The following EPHA6 variants were observed in gnomAD, a reference collection of about 807,000 sequenced individuals.
EPHA6 encodes the protein EPH receptor A6.
EPHA6 carries 50 observed loss-of-function variants against 112.0 expected under a neutral mutation model. The observed-to-expected ratio is 0.45, with a 90% CI of 0.36 to 0.56. The LOEUF is 0.56. EPHA6 is among the 20% of genes least tolerant of loss of function. The pLI is 0.00. For synonymous variants in EPHA6, 529 were observed against 490.7 expected, an observed-to-expected ratio of 1.08 and a Z score of -1.03; for missense variants, 1,280 against 1,417.4, an observed-to-expected ratio of 0.90 and a Z score of 1.56.
chr3:97,196,505 G>C (rs1377512656), intron 3 of EPHA6, among the ~76,000 whole-genome samples: 1 of 151,940 alleles, frequency 6.6e-6, no homozygotes, highest in African/African-American at 2.4e-5. Flanking sequence ...AGTTCATTTT[G>C]TGAGGTCATG....
chr3:97,492,469 G>A (rs1236915970), intron 10 of EPHA6, among the ~76,000 whole-genome samples: 1 of 144,916 alleles, frequency 6.9e-6, no homozygotes, highest in Admixed American at 7.3e-5. Context: ...TAGAACCAGG[G>A]AGGCGGAGAT....
intron 3 of EPHA6, among the ~76,000 whole-genome samples, chr3:97,143,689 C>T (rs1030019404): frequency 1.3e-5 from 2 of 151,656 alleles, no homozygotes; most frequent in Admixed American, 6.6e-5. Context: ...TATTGTTATT[C>T]CCCAGGGTCA....
At chr3:96,869,691 GTACA>G (rs1022412034) in intron 2 of EPHA6, among the ~76,000 whole-genome samples, 1 of 152,002 alleles carries the variant, frequency 6.6e-6, no homozygotes, top group Non-Finnish European at 1.5e-5. Context: ...TGTTTAATGT[GTACA>G]TAGTGGATGA....
chr3:97,145,688 G>GT (rs2076026702), intron 3 of EPHA6, among the ~76,000 whole-genome samples: 1 of 151,262 alleles, frequency 6.6e-6, no homozygotes, highest in African/African-American at 2.4e-5. Flanking sequence ...TACTGCATAG[G>GT]TTTTTTATTT....
intron 2 of EPHA6, among the ~76,000 whole-genome samples, chr3:96,918,952 TAGC>T (rs1254452785): frequency 6.6e-6 from 1 of 152,014 alleles, no homozygotes; most frequent in African/African-American, 2.4e-5. Flanking sequence ...ATACAGTCGA[TAGC>T]AGAGAAATTA....
At chr3:97,480,173 T>A (rs1168673558) in intron 9 of EPHA6, among the ~76,000 whole-genome samples, 1 of 152,018 alleles carries the variant, frequency 6.6e-6, no homozygotes, top group Non-Finnish European at 1.5e-5. Flanking sequence ...ACTTTTATTT[T>A]TTATTATTAT....
chr3:97,048,170 T>G (rs1278292680), intron 3 of EPHA6, among the ~76,000 whole-genome samples: 1 of 152,202 alleles, frequency 6.6e-6, no homozygotes, highest in Admixed American at 6.5e-5. Context: ...TCTTGAAAAC[T>G]AATAGAAAAG....
intron 3 of EPHA6, among the ~76,000 whole-genome samples, chr3:97,122,100 T>A (rs1341194037): frequency 6.6e-6 from 1 of 152,110 alleles, no homozygotes; most frequent in East Asian, 1.9e-4. Context: ...TACAGTAGAA[T>A]GATTACCATA....
intron 2 of EPHA6, among the ~76,000 whole-genome samples, chr3:96,892,321 A>G (rs2107543986): frequency 6.6e-6 from 1 of 152,156 alleles, no homozygotes; most frequent in South Asian, 2.1e-4. Context: ...CCTGGGTTCA[A>G]GAGATCCTCC....
At chr3:97,249,058 A>T (rs186401339) in intron 5 of EPHA6, among the ~76,000 whole-genome samples, 1,536 of 152,182 alleles carry the variant, frequency 0.01, 15 homozygotes, top group South Asian at 0.062. Context: ...AAAAAAAAAA[A>T]AGTGTGGAAG....
intron 12 of EPHA6, among the ~76,000 whole-genome samples, chr3:97,596,802 A>G (rs1476151646): frequency 8.8e-5 from 11 of 125,074 alleles, no homozygotes; most frequent in Non-Finnish European, 4.8e-5. Context: ...ATATATATAT[A>G]TATATATGGG....
At chr3:96,852,666 T>G (rs1426773467) in intron 1 of EPHA6, among the ~76,000 whole-genome samples, 2 of 150,036 alleles carry the variant, frequency 1.3e-5, no homozygotes, top group Non-Finnish European at 3.0e-5. Context: ...CCTGTTGCCC[T>G]CCACTCCATA....
intron 3 of EPHA6, among the ~76,000 whole-genome samples, chr3:97,179,908 T>A (rs1212961124): frequency 2.6e-5 from 4 of 151,994 alleles, no homozygotes; most frequent in African/African-American, 9.7e-5. Context: ...CTGCATGTGT[T>A]CACTCAAGAC....
At chr3:97,255,280 A>G (rs1168910789) in intron 5 of EPHA6, among the ~76,000 whole-genome samples, 9 of 152,114 alleles carry the variant, frequency 5.9e-5, no homozygotes. Context: ...TAAGAATGAG[A>G]TTCACAAAAT....
chr3:97,340,936 C>T (rs1238007940), intron 5 of EPHA6, among the ~76,000 whole-genome samples: 1 of 152,106 alleles, frequency 6.6e-6, no homozygotes, highest in African/African-American at 2.4e-5. Context: ...GATTTTGGGG[C>T]TGGGGGCACA....
intron 7 of EPHA6, among the ~76,000 whole-genome samples, chr3:97,450,363 A>C (rs553397355): frequency 6.6e-6 from 1 of 152,058 alleles, no homozygotes; most frequent in Admixed American, 6.6e-5. Context: ...AGCCTGGAAA[A>C]GTTAATAGCT....
At chr3:97,083,455 T>G (rs1559716860) in intron 3 of EPHA6, among the ~76,000 whole-genome samples, 1 of 152,018 alleles carries the variant, frequency 6.6e-6, no homozygotes, top group Non-Finnish European at 1.5e-5. Flanking sequence ...ATCACATGCT[T>G]ATTGCACTCA....
intron 5 of EPHA6, among the ~76,000 whole-genome samples, chr3:97,339,366 C>A (rs2083203405): frequency 6.6e-6 from 1 of 152,194 alleles, no homozygotes; most frequent in South Asian, 2.1e-4. Flanking sequence ...ACTCTGATCC[C>A]TTAGGCTTGT....
chr3:96,855,064 AC>A (rs1436090478), intron 1 of EPHA6, among the ~76,000 whole-genome samples: 1 of 152,032 alleles, frequency 6.6e-6, no homozygotes, highest in Non-Finnish European at 1.5e-5. Flanking sequence ...TCTGGAGACC[AC>A]CCATGTTCCT....
Sources: allele counts gnomAD v4.1 joint callset (sites outside exome capture counted in the v4.1 genomes callset), GRCh38; gene constraint gnomAD v4.1.1; transcripts MANE v1.5; gene names NCBI Gene and HGNC (gene_info 2026-07-23, HGNC 2026-07-21).